Variants in FSTL5 observed in about 807,000 individuals in gnomAD.
The protein encoded by FSTL5 is follistatin like 5.
FSTL5 carries 62 observed loss-of-function variants against 89.1 expected under a neutral mutation model. The observed-to-expected ratio is 0.70, with a 90% CI of 0.57 to 0.86. FSTL5 has a LOEUF of 0.86. Ranked by LOEUF, FSTL5 falls within the 40% of genes least tolerant of loss-of-function variation. The pLI is 0.00. For missense variants in FSTL5, 1,057 were observed against 1,001.6 expected (o/e 1.06, Z -0.75); for synonymous variants, 383 against 346.2 (o/e 1.11, Z -1.18).
At chr4:161,532,791 C>T (rs1731463215) in intron 10 of FSTL5, among the ~76,000 whole-genome samples, 1 of 152,244 alleles carries the variant, frequency 6.6e-6, no homozygotes, top group East Asian at 1.9e-4. Context: ...AATATACATT[C>T]TTCTCTTTTG....
chr4:161,524,463 A>T (rs1731142375), intron 10 of FSTL5, among the ~76,000 whole-genome samples: 1 of 152,000 alleles, frequency 6.6e-6, no homozygotes, highest in Admixed American at 6.6e-5. Flanking sequence ...ATCTCTACAA[A>T]TATTTTACAG....
intron 7 of FSTL5, among the ~76,000 whole-genome samples, chr4:161,625,653 C>A (rs1175624336): frequency 6.6e-6 from 1 of 152,026 alleles, no homozygotes; most frequent in Non-Finnish European, 1.5e-5. Context: ...GGAAGAGTCA[C>A]ACACCTCTCA....
intron 3 of FSTL5, among the ~76,000 whole-genome samples, chr4:162,028,917 T>C (rs1737403753): frequency 6.6e-6 from 1 of 152,162 alleles, no homozygotes; most frequent in East Asian, 1.9e-4. Flanking sequence ...AACTGTGAGA[T>C]TAATCTACTA....
intron 3 of FSTL5, among the ~76,000 whole-genome samples, chr4:162,031,579 G>T (rs924710126): frequency 3.9e-5 from 6 of 152,084 alleles, no homozygotes; most frequent in African/African-American, 1.2e-4. Flanking sequence ...AAAATGTAGT[G>T]CTTTTCTAAG....
At chr4:161,650,528 T>A (rs185102977) in intron 7 of FSTL5, among the ~76,000 whole-genome samples, 25 of 152,276 alleles carry the variant, frequency 1.6e-4, no homozygotes, top group Admixed American at 1.6e-3. Flanking sequence ...AATTACATAA[T>A]GCTTTCTTCA....
At chr4:161,832,623 C>T (rs903256078) in intron 4 of FSTL5, among the ~76,000 whole-genome samples, 19 of 152,208 alleles carry the variant, frequency 1.2e-4, no homozygotes, top group African/African-American at 3.9e-4. Context: ...GTGTATGTGT[C>T]GAGGAATTTA....
chr4:161,792,204 C>A (rs13118279), intron 4 of FSTL5, among the ~76,000 whole-genome samples: 79,297 of 151,920 alleles, frequency 0.52, 24,771 homozygotes, highest in Non-Finnish European at 0.7. Flanking sequence ...TGGGTGTGCG[C>A]GTGTCCAAGG....
chr4:161,579,168 T>C (rs887710422), intron 8 of FSTL5, among the ~76,000 whole-genome samples: 5 of 152,208 alleles, frequency 3.3e-5, no homozygotes, highest in African/African-American at 1.2e-4. Flanking sequence ...AAATGTTTGA[T>C]AATATTATTA....
intron 1 of FSTL5, among the ~76,000 whole-genome samples, chr4:162,154,675 G>T (rs1207396227): frequency 2.0e-5 from 3 of 151,986 alleles, no homozygotes; most frequent in African/African-American, 7.2e-5. Flanking sequence ...AAAACATTAA[G>T]CAAATCCATC....
intron 12 of FSTL5, among the ~76,000 whole-genome samples, chr4:161,491,090 A>G (rs1729856332): frequency 6.6e-6 from 1 of 151,822 alleles, no homozygotes; most frequent in African/African-American, 2.4e-5. Flanking sequence ...AAAATATTAC[A>G]TTTCATCTGG....
At chr4:161,462,818 A>G (rs1733625880) in intron 13 of FSTL5, among the ~76,000 whole-genome samples, 1 of 152,136 alleles carries the variant, frequency 6.6e-6, no homozygotes, top group Non-Finnish European at 1.5e-5. Flanking sequence ...AGTAAGTGAA[A>G]GAAATGAGAC....
chr4:162,070,961 A>G (rs946183706), intron 2 of FSTL5, among the ~76,000 whole-genome samples: 2 of 151,770 alleles, frequency 1.3e-5, no homozygotes, highest in East Asian at 1.9e-4. Context: ...AACATACAAA[A>G]ATATAATACT....
intron 13 of FSTL5, among the ~76,000 whole-genome samples, chr4:161,465,114 C>A (rs1252797835): frequency 6.6e-6 from 1 of 152,220 alleles, no homozygotes; most frequent in African/African-American, 2.4e-5. Flanking sequence ...TGTTACCTGA[C>A]CATCCAATAT....
chr4:161,849,854 A>C (rs1484162630), intron 4 of FSTL5, among the ~76,000 whole-genome samples: 1 of 152,156 alleles, frequency 6.6e-6, no homozygotes, highest in Non-Finnish European at 1.5e-5. Context: ...ATGATTATGA[A>C]ATTGGTATTG....
intron 3 of FSTL5, among the ~76,000 whole-genome samples, chr4:162,009,240 T>C (rs1275767833): frequency 1.3e-5 from 2 of 152,178 alleles, no homozygotes; most frequent in South Asian, 4.1e-4. Context: ...TGCCCCAGTA[T>C]AATTGTTAGC....
At chr4:162,072,969 T>G (rs1428610832) in intron 2 of FSTL5, among the ~76,000 whole-genome samples, 1 of 151,810 alleles carries the variant, frequency 6.6e-6, no homozygotes, top group East Asian at 1.9e-4. Context: ...CTATTGCCTT[T>G]GACCTTGAAC....
chr4:161,705,913 A>G (rs1738548506), intron 6 of FSTL5, among the ~76,000 whole-genome samples: 1 of 136,306 alleles, frequency 7.3e-6, no homozygotes, highest in Admixed American at 7.5e-5. Context: ...GCTTATCTCC[A>G]AAAGAAAAAT....
intron 1 of FSTL5, among the ~76,000 whole-genome samples, chr4:162,145,493 T>G (rs1468313912): frequency 6.6e-6 from 1 of 152,102 alleles, no homozygotes; most frequent in East Asian, 1.9e-4. Context: ...ACATATGCAC[T>G]GAAGGTTGGC....
chr4:161,760,719 G>A (rs1294183081), intron 5 of FSTL5, among the ~76,000 whole-genome samples: 2 of 152,150 alleles, frequency 1.3e-5, no homozygotes, highest in Non-Finnish European at 2.9e-5. Context: ...GCTCGTGCAT[G>A]TTATGGTTGC....
Sources: allele counts gnomAD v4.1 joint callset (sites outside exome capture counted in the v4.1 genomes callset), GRCh38; gene constraint gnomAD v4.1.1; transcripts MANE v1.5; gene names NCBI Gene and HGNC (gene_info 2026-07-23, HGNC 2026-07-21).